PTPRA: variants seen among roughly 807,000 people sequenced by gnomAD.
PTPRA encodes the protein receptor-type tyrosine-protein phosphatase alpha.
A neutral mutation model predicts 104.8 loss-of-function variants in PTPRA; 25 were observed. The ratio of observed to expected loss-of-function variants is 0.24; its 90% confidence interval spans 0.17 to 0.33. The LOEUF (loss-of-function observed/expected upper bound fraction) is 0.33, where lower values mean the gene tolerates loss of function less well. Among genes scored for constraint, PTPRA ranks in the 10% least tolerant of loss-of-function variants. PTPRA has a pLI of 1.00. For missense variants in PTPRA, 765 were observed against 1,015.3 expected (o/e 0.75, Z 3.35); for synonymous variants, 323 against 368.9 (o/e 0.88, Z 1.43).
rs954099632 is a variant in PTPRA at position 3,037,058 on chromosome 20, T to C, written c.2199-96T>C. ...CCACAGGGCAAAGGCGAGCACCAGC[T>C]GCCTGCCCCCACCTCTTCTGCCACT... is the stretch of plus-strand genomic sequence containing the variant. On this transcript the variant is annotated intron_variant, in intron 22 of 23. Coordinates refer to ENST00000399903, the MANE Select transcript of PTPRA (RefSeq NM_001385305.1). This position sits in a 1 kb window ranked among gnomAD's most constrained non-coding sequence, Gnocchi z 4.3. The C allele has an allele frequency of 6.5e-7, 1 of 1,527,846 alleles. No individual in the cohort carries two copies. 94.6% of individuals were successfully genotyped at this position (1,527,846 alleles called of 1,614,324 possible).
In PTPRA at chr20:3,032,627, G is replaced by A. The variant is rs147822085; in HGVS notation, c.1921-2958G>A. On this transcript the variant is annotated intron_variant, in intron 20 of 23. Transcript: ENST00000399903. Reference sequence around the variant, plus strand: ...CTAAAAATACAAAAATTAGCTGGGCGCGATGGTGCATGCCTGTGATCCCAG... The same window carrying A: ...CTAAAAATACAAAAATTAGCTGGGCACGATGGTGCATGCCTGTGATCCCAG... Among the ~76,000 whole-genome samples, 973 of 151,862 alleles carry A rather than the reference G, an allele frequency of 6.4e-3. 8 individuals carry two copies. The highest frequency in any genetic ancestry group is 0.022 in the African/African-American group (900 of 41,388).
chr20:2,955,269 G>A (rs954734072), intron 3 of PTPRA, among the ~76,000 whole-genome samples: 6 of 152,156 alleles, frequency 3.9e-5, no homozygotes, highest in Non-Finnish European at 8.8e-5. Flanking sequence ...TGTTCTTTGT[G>A]TTAATCTGCA....
intron 3 of PTPRA, among the ~76,000 whole-genome samples, chr20:2,959,165 TC>T (rs1212893641): frequency 3.3e-5 from 5 of 152,300 alleles, no homozygotes; most frequent in South Asian, 4.2e-4. Context: ...CTTCTTAACT[TC>T]TGATGTGTCT....
At chr20:2,975,038 G>A (rs2062371379) in intron 5 of PTPRA, among the ~76,000 whole-genome samples, 177 bp from the exon 6 acceptor site, 1 of 152,162 alleles carries the variant, frequency 6.6e-6, no homozygotes, top group South Asian at 2.1e-4. Context: ...CCAGGGAGAA[G>A]GCCAGACCAC....
chr20:2,876,688 T>A (rs1322992123), intron 1 of PTPRA, among the ~76,000 whole-genome samples: 5 of 152,204 alleles, frequency 3.3e-5, no homozygotes, highest in African/African-American at 1.2e-4. Context: ...AACAATATGC[T>A]TTTAGAAGTA....
chr20:2,884,735 G>C (rs2146882402), intron 1 of PTPRA, among the ~76,000 whole-genome samples: 1 of 152,056 alleles, frequency 6.6e-6, no homozygotes, highest in Non-Finnish European at 1.5e-5. Flanking sequence ...TGTTTGCGTG[G>C]ACATATCCTT....
chr20:2,879,043 CCA>C (rs1405443373), intron 1 of PTPRA, among the ~76,000 whole-genome samples: 1 of 152,120 alleles, frequency 6.6e-6, no homozygotes, highest in Non-Finnish European at 1.5e-5. Flanking sequence ...TGGGGACACC[CCA>C]GAGTAACATA....
rs1422729480 is a variant in PTPRA at position 2,950,487 on chromosome 20, A to G, written c.-7+2463A>G. On this transcript the variant is annotated intron_variant, in intron 3 of 23. Transcript: ENST00000399903. This position sits in a 1 kb window ranked among gnomAD's most constrained non-coding sequence, Gnocchi z 4.0. ...CCCCGTCTCTACTAAAAATACAAAA[A>G]AAAAAATTAGCCGGGCGTGGTGGCA... 6.6e-6 allele frequency among the ~76,000 whole-genome samples: 1 copy of G among 151,800 alleles called. No individual in the cohort carries two copies. The highest frequency in any genetic ancestry group is 2.1e-4 in the South Asian group (1 of 4,812).
chr20:3,016,951 C>T (rs1340469722), intron 12 of PTPRA, among the ~76,000 whole-genome samples: 1 of 152,184 alleles, frequency 6.6e-6, no homozygotes, highest in Non-Finnish European at 1.5e-5. Context: ...CCAGAAGAGT[C>T]AAATCACAAT....
chr20:2,869,476 A>T (rs1459743817), upstream of PTPRA, among the ~76,000 whole-genome samples: 1 of 152,192 alleles, frequency 6.6e-6, no homozygotes, highest in African/African-American at 2.4e-5. Flanking sequence ...ATCCTTGCTT[A>T]CTCAATTGAA....
chr20:2,917,360 C>G (rs901189732), intron 1 of PTPRA, among the ~76,000 whole-genome samples: 1 of 151,968 alleles, frequency 6.6e-6, no homozygotes, highest in Non-Finnish European at 1.5e-5. Context: ...TCATTGAGAC[C>G]TTGGGCCTTA....
chr20:2,989,942 G>A (rs1012604766), intron 9 of PTPRA, among the ~76,000 whole-genome samples: 14 of 152,040 alleles, frequency 9.2e-5, no homozygotes, highest in South Asian at 2.1e-4. Flanking sequence ...GTCAGAACCC[G>A]GGAGGCGGAG....
chr20:2,903,765 A>G (rs1395174303), intron 1 of PTPRA, among the ~76,000 whole-genome samples: 6 of 152,200 alleles, frequency 3.9e-5, no homozygotes, highest in Non-Finnish European at 8.8e-5. Context: ...TACGGAACTT[A>G]TTTGTGAAAT....
At chr20:2,951,181 G>C (rs1451832429) in intron 3 of PTPRA, among the ~76,000 whole-genome samples, 1 of 152,006 alleles carries the variant, frequency 6.6e-6, no homozygotes, top group Non-Finnish European at 1.5e-5. Context: ...CTTACTGCCA[G>C]CTCCGACTCC....
At chr20:2,901,589 G>C (rs965792472) in intron 1 of PTPRA, among the ~76,000 whole-genome samples, 2 of 152,090 alleles carry the variant, frequency 1.3e-5, no homozygotes, top group Non-Finnish European at 2.9e-5. Flanking sequence ...TAGAAATGCA[G>C]CTGAGATGAA....
intron 2 of PTPRA, among the ~76,000 whole-genome samples, chr20:2,934,086 C>A (rs1406698204): frequency 6.6e-6 from 1 of 152,082 alleles, no homozygotes; most frequent in East Asian, 1.9e-4. Flanking sequence ...TCAGCAGTTT[C>A]TAGTACTGTT....
At chr20:3,012,287 T>C (rs908546712) in intron 11 of PTPRA, among the ~76,000 whole-genome samples, 4 of 152,146 alleles carry the variant, frequency 2.6e-5, no homozygotes, top group African/African-American at 7.2e-5. Context: ...GAGGGGCCAA[T>C]TGGGGGCTAT....
At chr20:3,031,634 G>C (rs2065460175) in intron 20 of PTPRA, among the ~76,000 whole-genome samples, 1 of 152,084 alleles carries the variant, frequency 6.6e-6, no homozygotes. Context: ...CATCCGCCCT[G>C]TTTACTGCCT....
upstream of PTPRA, among the ~76,000 whole-genome samples, chr20:2,869,579 G>A (rs1438932143): frequency 4.6e-5 from 7 of 152,214 alleles, no homozygotes; most frequent in East Asian, 3.8e-4. Context: ...AATGTATGAC[G>A]CTAGGATTGG....
Sources: gnomAD v4.1 joint callset for allele counts (sites outside exome capture counted in the v4.1 genomes callset) on GRCh38, gnomAD v4.1.1 for gene constraint, Gnocchi (gnomAD v3.1) non-coding constraint, MANE v1.5 for transcripts, NCBI Gene and HGNC (gene_info 2026-07-23, HGNC 2026-07-21) for gene names.